CSRNP3: variants seen among roughly 807,000 people sequenced by gnomAD.
CSRNP3 encodes the protein cysteine/serine-rich nuclear protein 3.
Under a neutral mutation model 48.0 loss-of-function variants are expected in CSRNP3, and 12 were observed. The observed-to-expected ratio is 0.25, with a 90% confidence interval of 0.16 to 0.41. The LOEUF (loss-of-function observed/expected upper bound fraction) is 0.41, where lower values mean the gene tolerates loss of function less well. Ranked by LOEUF, CSRNP3 falls within the 10% of genes least tolerant of loss-of-function variation. The pLI is 1.00. For missense variants in CSRNP3, 580 were observed against 724.4 expected (o/e 0.80, Z 2.29); for synonymous variants, 263 against 269.7 (o/e 0.98, Z 0.24).
At chr2:165,608,591 T>G (rs906624982) in intron 4 of CSRNP3, among the ~76,000 whole-genome samples, 3 of 152,124 alleles carry the variant, frequency 2.0e-5, no homozygotes, top group African/African-American at 7.2e-5. Context: ...CTAATTGTGG[T>G]GAGCTTAACC....
At chr2:165,560,422 A>T (rs1303374939) in intron 3 of CSRNP3, among the ~76,000 whole-genome samples, 2 of 152,158 alleles carry the variant, frequency 1.3e-5, no homozygotes, top group Non-Finnish European at 2.9e-5. Context: ...CCTCAACCAC[A>T]ACTTTTATAA....
At chr2:165,587,768 A>C (rs540977486) in intron 3 of CSRNP3, among the ~76,000 whole-genome samples, 2 of 152,316 alleles carry the variant, frequency 1.3e-5, no homozygotes, top group East Asian at 3.9e-4. Context: ...TGTGAGCAAA[A>C]AAAAATTGTA....
chr2:165,494,584 C>T (rs1031587437), intron 1 of CSRNP3, among the ~76,000 whole-genome samples, 175 bp from the exon 2 acceptor site: 2 of 151,894 alleles, frequency 1.3e-5, no homozygotes, highest in Non-Finnish European at 2.9e-5. Flanking sequence ...ATGAAAATAA[C>T]GACTTAGGGT....
chr2:165,493,775 G>A (rs1005350649), intron 1 of CSRNP3, among the ~76,000 whole-genome samples: 1 of 151,992 alleles, frequency 6.6e-6, no homozygotes, highest in African/African-American at 2.4e-5. Context: ...TTGTACTTAT[G>A]CTTTCATTTT....
intron 1 of CSRNP3, among the ~76,000 whole-genome samples, chr2:165,484,192 C>A (rs1002169077): frequency 6.6e-6 from 1 of 152,010 alleles, no homozygotes; most frequent in Non-Finnish European, 1.5e-5. Flanking sequence ...CAGGTTCAAG[C>A]AATTTTTCTT....
rs545708457 is a variant in CSRNP3 at position 165,583,928 on chromosome 2, G to T, written c.-23-11115G>T. ...GGTGAGTCCACAGTGCAAAGCAAAA[G>T]AAAGTAAAGTGGTGAAAGAATAGCT... On this transcript the variant is annotated intron_variant, in intron 3 of 6. Transcript: ENST00000651982. 2.1e-3 allele frequency among the ~76,000 whole-genome samples: 325 copies of T among 152,234 alleles called. 3 individuals carry two copies. The highest frequency in any genetic ancestry group is 7.5e-3 in the African/African-American group (313 of 41,536).
intron 4 of CSRNP3, among the ~76,000 whole-genome samples, chr2:165,615,866 A>T (rs540317111): frequency 7.0e-6 from 1 of 142,196 alleles, no homozygotes; most frequent in African/African-American, 2.6e-5. Context: ...ACATACCACC[A>T]TATCTGGCTA....
chr2:165,686,355 T>G lies in CSRNP3; in HGVS notation c.*6602T>G, dbSNP rs959909430. 1 of 152,070 alleles carries G rather than the reference T, an allele frequency of 6.6e-6. No individual in the cohort carries two copies. Among genetic ancestry groups the G allele is most frequent in the Non-Finnish European group, 1.5e-5 (1 of 67,994 alleles). The allele number at this position is 152,070 out of a possible 1,614,324, so 9.4% of individuals were successfully genotyped here. ...GACCTATGGAAAAGGAGTTTGAAAT[T>G]TCTACCTTTGTAGTACATTGTATCC... On this transcript the variant is annotated 3_prime_UTR_variant, in exon 7 of 7. Transcript: ENST00000651982.
At chr2:165,599,220 G>A (rs1344246775) in intron 4 of CSRNP3, among the ~76,000 whole-genome samples, 1 of 145,756 alleles carries the variant, frequency 6.9e-6, no homozygotes, top group African/African-American at 2.6e-5. Context: ...GCAAGACCCT[G>A]TCTCAAAGCA....
chr2:165,475,983 G>T (rs1683957816), intron 1 of CSRNP3, among the ~76,000 whole-genome samples: 1 of 152,046 alleles, frequency 6.6e-6, no homozygotes, highest in Non-Finnish European at 1.5e-5. Context: ...TGGGTTAATT[G>T]TAAATTAATG....
Position 165,505,809 on chromosome 2 carries a change from C to T in CSRNP3, c.-113+10881C>T, listed in dbSNP as rs764393302. Among the ~76,000 whole-genome samples the T allele has an allele frequency of 5.9e-4, 90 of 152,098 alleles. 1 individual carries two copies. The highest frequency in any genetic ancestry group is 7.1e-4 in the Non-Finnish European group (48 of 68,012). On this transcript the variant is annotated intron_variant, in intron 2 of 6. Coordinates refer to ENST00000651982, the MANE Select transcript of CSRNP3 (RefSeq NM_001172173.2). ...AATTTATCTTACTGGTAATACAAAA[C>T]CACAAGCATTCTTTAATTTCATTTC...
Position 165,679,108 on chromosome 2 carries a change from G to C in CSRNP3, c.1113G>C (p.Glu371Asp), listed in dbSNP as rs376121883. The C allele has an allele frequency of 1.2e-6, 2 of 1,611,574 alleles. No homozygotes were observed. Among genetic ancestry groups the C allele is most frequent in the African/African-American group, 2.7e-5 (2 of 74,936 alleles). The change falls in exon 7 of 7, where the codon GAG (glutamate) becomes GAC (aspartate). Residue 371 changes from glutamate (E) to aspartate (D), a missense_variant. By Grantham distance (45) the Glu-to-Asp change is conservative. This residue lies in a region of CSRNP3 where 369 missense variants were observed against 380.8 expected (regional missense o/e 0.97). Transcript: ENST00000651982. Reference sequence around the variant, plus strand: ...GCTTGGCACCTAGTGAGTCAGACGAGGAGGAGGAGGAAGAAGAAGAGGAAG... The same window carrying C: ...GCTTGGCACCTAGTGAGTCAGACGACGAGGAGGAGGAAGAAGAAGAGGAAG... The part of the protein sequence containing the change: ...TQSLAPSESD[E>D]EEEEEEEEEE...
chr2:165,588,886 C>A (rs1685672386), intron 3 of CSRNP3, among the ~76,000 whole-genome samples: 1 of 152,142 alleles, frequency 6.6e-6, no homozygotes, highest in Admixed American at 6.5e-5. Flanking sequence ...CCCTTGAGCT[C>A]AGGAGGTTGA....
intron 3 of CSRNP3, among the ~76,000 whole-genome samples, chr2:165,592,775 A>T: frequency 6.6e-6 from 1 of 150,942 alleles, no homozygotes; most frequent in South Asian, 2.1e-4. Context: ...AGCCATGTGT[A>T]ACTGTGAGTC....
intron 3 of CSRNP3, among the ~76,000 whole-genome samples, chr2:165,520,608 A>G (rs976535733): frequency 1.3e-5 from 2 of 151,322 alleles, no homozygotes; most frequent in Non-Finnish European, 3.0e-5. Context: ...TAAGCAGTAT[A>G]TCATCTAAAG....
chr2:165,615,249 T>G (rs1686217813), intron 4 of CSRNP3, among the ~76,000 whole-genome samples: 1 of 152,138 alleles, frequency 6.6e-6, no homozygotes, highest in Non-Finnish European at 1.5e-5. Context: ...ATACTTAGAA[T>G]AGTTATATCC....
At chr2:165,567,956 T>A (rs1027913016) in intron 3 of CSRNP3, among the ~76,000 whole-genome samples, 2 of 152,114 alleles carry the variant, frequency 1.3e-5, no homozygotes, top group African/African-American at 4.8e-5. Flanking sequence ...AATTACTGAA[T>A]CTATGTAACA....
chr2:165,472,835 T>A (rs1423502637), intron 1 of CSRNP3, among the ~76,000 whole-genome samples: 1 of 152,142 alleles, frequency 6.6e-6, no homozygotes, highest in East Asian at 1.9e-4. Context: ...TTAAACTACG[T>A]GTTAAAATAT....
chr2:165,532,797 A>T (rs1558927093), intron 3 of CSRNP3, among the ~76,000 whole-genome samples: 2 of 152,122 alleles, frequency 1.3e-5, no homozygotes, highest in Non-Finnish European at 2.9e-5. Context: ...ACATGATTGT[A>T]TATCTAGAAA....
Sources: allele counts gnomAD v4.1 joint callset (sites outside exome capture counted in the v4.1 genomes callset), GRCh38; gene constraint gnomAD v4.1.1; regional missense constraint gnomAD v4.1.1; transcripts MANE v1.5; gene names NCBI Gene and HGNC (gene_info 2026-07-23, HGNC 2026-07-21).